RNF214: variants seen among roughly 807,000 people sequenced by gnomAD.
RNF214 encodes the protein ring finger protein 214.
Under a neutral mutation model 75.9 loss-of-function variants are expected in RNF214, and 25 were observed. That is an observed-to-expected ratio of 0.33 (90% CI 0.24 to 0.46). The LOEUF (loss-of-function observed/expected upper bound fraction) is 0.46, where lower values mean the gene tolerates loss of function less well. RNF214 is among the 20% of genes least tolerant of loss of function. The pLI, the probability that RNF214 is intolerant of heterozygous loss-of-function variation, is 1.00. For missense variants in RNF214, 725 were observed against 857.5 expected, an observed-to-expected ratio of 0.85 and a Z score of 1.93; for synonymous variants, 314 against 308.8, an observed-to-expected ratio of 1.02 and a Z score of -0.18.
At chr11:117,250,393 G>A (rs578212430) in intron 6 of RNF214, among the ~76,000 whole-genome samples, 2 of 152,238 alleles carry the variant, frequency 1.3e-5, no homozygotes, top group African/African-American at 2.4e-5. Context: ...ATAAACCCAT[G>A]TTGTTGAAAA....
At chr11:117,253,431 G>A (rs755090517) in intron 6 of RNF214, among the ~76,000 whole-genome samples, 26 of 152,188 alleles carry the variant, frequency 1.7e-4, no homozygotes, top group Admixed American at 3.3e-4. Flanking sequence ...CTTTTGCAGG[G>A]ATAATTTCTA....
chr11:117,280,274 G>A lies in RNF214; in HGVS notation c.1145+15G>A, dbSNP rs151264480. ...ACTTACCTCAAGTAAGTACCTTTCC[G>A]TTCTAGAGCTTTAATTGTTTTGCAG... On this transcript the variant is annotated intron_variant, in intron 8 of 14. Transcript: ENST00000300650. The A allele has an allele frequency of 7.4e-5, 113 of 1,526,604 alleles. 3 individuals carry two copies. Among genetic ancestry groups the A allele is most frequent in the African/African-American group, 6.3e-4 (46 of 73,062 alleles). 94.6% of individuals were successfully genotyped at this position (1,526,604 alleles called of 1,614,324 possible).
rs1453003569 is a variant in RNF214 at position 117,234,444 on chromosome 11, T to C, written c.107+65T>C. 2.6e-6 allele frequency: 3 copies of C among 1,139,200 alleles called. No homozygotes were observed. In the East Asian group the frequency reaches 7.1e-5, roughly 27 times the overall value. The allele number at this position is 1,139,200 out of a possible 1,614,324, so 70.6% of individuals were successfully genotyped here. On this transcript the variant is annotated intron_variant, in intron 2 of 14. Transcript: ENST00000300650. ...AAAGGGTTTTTGAGATGGTCTTGTG[T>C]AGCTGGTCTTTCTTTTTGGCTCTGA...
intron 2 of RNF214, among the ~76,000 whole-genome samples, chr11:117,234,736 AC>A (rs1465396993): frequency 6.6e-6 from 1 of 152,254 alleles, no homozygotes; most frequent in Non-Finnish European, 1.5e-5. Context: ...AAATATGTAT[AC>A]ATACAGATAC....
chr11:117,245,343 CT>C (rs550778591), intron 5 of RNF214, among the ~76,000 whole-genome samples: 211 of 139,578 alleles, frequency 1.5e-3, no homozygotes, highest in Middle Eastern at 3.8e-3. Flanking sequence ...TACTCATAGA[CT>C]TTTTTTTTTT....
chr11:117,285,023 T>G, intron 14 of RNF214, 63 bp from the exon 15 acceptor site: 1 of 1,208,552 alleles, frequency 8.3e-7, no homozygotes, highest in Non-Finnish European at 1.2e-6. Flanking sequence ...CTTATTGGCA[T>G]TCTCTCCTTC....
At chr11:117,283,076 GGTT>G in intron 13 of RNF214, 36 bp from the exon 14 acceptor site, 1 of 1,450,650 alleles carries the variant, frequency 6.9e-7, no homozygotes, top group Non-Finnish European at 9.6e-7. Context: ...GAGACCCAGA[GGTT>G]CCTTACCTTT....
chr11:117,233,232 A>AC (rs1349008505), intron 1 of RNF214, among the ~76,000 whole-genome samples: 3 of 151,490 alleles, frequency 2.0e-5, no homozygotes, highest in Admixed American at 6.6e-5. Context: ...GGCGCAGAGG[A>AC]CCCCCCAGCC....
intron 6 of RNF214, among the ~76,000 whole-genome samples, chr11:117,277,241 G>A (rs1194230507): frequency 1.3e-5 from 2 of 152,126 alleles, no homozygotes; most frequent in African/African-American, 2.4e-5. Flanking sequence ...TACTTGGGAG[G>A]CTAAGGCAGG....
chr11:117,282,029 C>G lies in RNF214; in HGVS notation c.1471C>G (p.Pro491Ala), dbSNP rs983615926. ...CTCCTTGTCTTTCCCAATCCTGAAC[C>G]CTGCCCTTTCCCAGCCCAGCCAGCC... ...PRSLSFPILN[P>A]ALSQPSQPSS... is the part of the protein sequence containing the mutation. The change falls in exon 11 of 15, where the codon CCT becomes GCT. Residue 491 changes from proline (P) to alanine (A), a missense_variant. Around this residue, in one of 2 missense-constraint regions of RNF214, gnomAD observed 363 missense variants for 513.0 expected, o/e 0.71. Coordinates refer to ENST00000300650, the MANE Select transcript of RNF214 (RefSeq NM_207343.4). 8 of 1,613,942 alleles carry G rather than the reference C, an allele frequency of 5.0e-6. No homozygotes were observed. The highest frequency in any genetic ancestry group is 6.8e-6 in the Non-Finnish European group (8 of 1,180,030).
rs79705479 is a variant in RNF214 at position 117,268,166 on chromosome 11, C to A, written c.960-11742C>A. On this transcript the variant is annotated intron_variant, in intron 6 of 14. Transcript: ENST00000300650. Reference sequence around the variant, plus strand: ...ACTTTATTATGGTAATTGGGGAGACCACCTGTACTGGCTTTATCTGGAGGA... The same window carrying A: ...ACTTTATTATGGTAATTGGGGAGACAACCTGTACTGGCTTTATCTGGAGGA... 3.9e-3 allele frequency among the ~76,000 whole-genome samples: 598 copies of A among 152,254 alleles called. 3 individuals are homozygous for A. Among genetic ancestry groups the A allele is most frequent in the African/African-American group, 0.013 (554 of 41,542 alleles).
chr11:117,256,233 T>C (rs2033519118), intron 6 of RNF214, among the ~76,000 whole-genome samples: 1 of 152,250 alleles, frequency 6.6e-6, no homozygotes, highest in Non-Finnish European at 1.5e-5. Context: ...CGTGGCCTTT[T>C]TTGTTTACTT....
chr11:117,247,216 G>A (rs568102720), intron 6 of RNF214, among the ~76,000 whole-genome samples: 22 of 152,264 alleles, frequency 1.4e-4, no homozygotes, highest in African/African-American at 4.8e-4. Flanking sequence ...CGGGCTGGAC[G>A]TAGCGGCTCA....
intron 4 of RNF214, among the ~76,000 whole-genome samples, chr11:117,240,800 C>G (rs184807971): frequency 1.4e-4 from 22 of 151,816 alleles, no homozygotes; most frequent in Admixed American, 2.6e-4. Context: ...CTAGCACTTT[C>G]AGAGGCTGAG....
intron 11 of RNF214, 63 bp downstream of exon 11, chr11:117,282,333 G>C: frequency 3.8e-6 from 6 of 1,591,720 alleles, no homozygotes; most frequent in Non-Finnish European, 5.1e-6. Context: ...GGTTAAAACA[G>C]AGGAGGTTAC....
In RNF214 at chr11:117,285,140, A is replaced by G. The variant is rs1036527018; in HGVS notation, c.2101A>G (p.Thr701Ala). The G allele has an allele frequency of 6.2e-7, 1 of 1,610,878 alleles. No homozygotes were observed. The highest frequency in any genetic ancestry group is 1.7e-5 in the Admixed American group (1 of 59,984). ...AAATGACACTTGTCCCTTTTGTCCA[A>G]CTCTTAAATGACGGACCTGACTGGG... ...NTNDTCPFCP[T>A]LK is the part of the protein sequence containing the mutation. The change falls in exon 15 of 15, where the codon ACT becomes GCT. Residue 701 changes from threonine to alanine, a missense_variant. Thr to Ala is a moderately conservative substitution (Grantham distance 58, BLOSUM62 0). Transcript: ENST00000300650.
At chr11:117,272,049 A>G (rs998669823) in intron 6 of RNF214, among the ~76,000 whole-genome samples, 1 of 152,160 alleles carries the variant, frequency 6.6e-6, no homozygotes, top group African/African-American at 2.4e-5. Flanking sequence ...CCTGGGCTCA[A>G]GTGATCCTCC....
intron 4 of RNF214, among the ~76,000 whole-genome samples, chr11:117,241,290 TCTTG>T (rs2033072340): frequency 6.6e-6 from 1 of 151,436 alleles, no homozygotes; most frequent in African/African-American, 2.4e-5. Flanking sequence ...GCAGTGAGCT[TCTTG>T]CTTTAGGCCG....
chr11:117,237,620 A>C (rs139297411), intron 2 of RNF214, among the ~76,000 whole-genome samples: 8 of 152,280 alleles, frequency 5.3e-5, no homozygotes, highest in African/African-American at 1.4e-4. Flanking sequence ...AAAAAGCAGT[A>C]CCTCACTTCA....
Sources: gnomAD v4.1 joint callset for allele counts (sites outside exome capture counted in the v4.1 genomes callset) on GRCh38, gnomAD v4.1.1 for gene constraint, gnomAD v4.1.1 regional missense constraint, MANE v1.5 for transcripts, NCBI Gene and HGNC (gene_info 2026-07-23, HGNC 2026-07-21) for gene names.